The following AGMO variants were observed in gnomAD, a reference collection of about 807,000 sequenced individuals.
The protein encoded by AGMO is alkylglycerol monooxygenase, also known as glyceryl-ether monooxygenase.
Under a neutral mutation model 60.2 loss-of-function variants are expected in AGMO, and 75 were observed. The ratio of observed to expected loss-of-function variants is 1.25; its 90% CI spans 1.03 to 1.51. The LOEUF is 1.51. Ranked by LOEUF, AGMO falls within the 40% of genes most tolerant of loss-of-function variation. AGMO has a pLI of 0.00. For synonymous variants in AGMO, 261 were observed against 177.1 expected, an observed-to-expected ratio of 1.47 and a Z score of -3.76; for missense variants, 763 against 525.5, an observed-to-expected ratio of 1.45 and a Z score of -4.42.
chr7:15,515,981 C>A (rs959471976), intron 3 of AGMO, among the ~76,000 whole-genome samples: 1 of 151,952 alleles, frequency 6.6e-6, no homozygotes, highest in Non-Finnish European at 1.5e-5. Flanking sequence ...ATGGTGACTA[C>A]AGTGAATAAC....
intron 8 of AGMO, among the ~76,000 whole-genome samples, chr7:15,387,783 A>G (rs1369050200): frequency 6.6e-6 from 1 of 152,208 alleles, no homozygotes; most frequent in Non-Finnish European, 1.5e-5. Context: ...TTGAAATGTA[A>G]AAACAGGGCA....
chr7:15,210,514 A>C (rs1162041495), intron 12 of AGMO, among the ~76,000 whole-genome samples: 1 of 152,152 alleles, frequency 6.6e-6, no homozygotes, highest in Non-Finnish European at 1.5e-5. Context: ...TATAGGTAGC[A>C]GATGCAGAGT....
intron 2 of AGMO, among the ~76,000 whole-genome samples, chr7:15,552,633 A>G (rs1193998198): frequency 4.3e-4 from 63 of 148,164 alleles, no homozygotes; most frequent in African/African-American, 1.5e-3. Flanking sequence ...ACCATCTCAC[A>G]CCAGTTAGAA....
At chr7:15,129,651 G>A in the AGMO span, among the ~76,000 whole-genome samples, 10 of 152,018 alleles carry the variant, frequency 6.6e-5, no homozygotes, top group Admixed American at 1.3e-4. Context: ...CACCACCTGG[G>A]GCCAGGATGA....
At position 15,229,768 on chromosome 7, in the gene AGMO, T is replaced by C. The variant is rs544335152; in HGVS notation, c.1264-28409A>G. ...ATATATAAATAATTAGTTATATATA[T>C]AATTATTAGATCAAAGTATTTGTGT... On this transcript the variant is annotated intron_variant, in intron 12 of 12. Coordinates refer to ENST00000342526, the MANE Select transcript of AGMO (RefSeq NM_001004320.2). Among the ~76,000 whole-genome samples the C allele has an allele frequency of 3.6e-3, 538 of 147,922 alleles. 2 individuals are homozygous for C. Among genetic ancestry groups the C allele is most frequent in the African/African-American group, 0.013 (520 of 40,780 alleles).
chr7:15,535,978 G>A (rs754566730), intron 3 of AGMO, among the ~76,000 whole-genome samples: 11 of 151,858 alleles, frequency 7.2e-5, no homozygotes, highest in Non-Finnish European at 1.2e-4. Context: ...GAACGACTGA[G>A]TGCCTACTTT....
At chr7:15,367,895 C>T (rs1428619344) in intron 10 of AGMO, among the ~76,000 whole-genome samples, 2 of 152,094 alleles carry the variant, frequency 1.3e-5, no homozygotes, top group African/African-American at 4.8e-5. Context: ...AATATCCTTA[C>T]TTGCAACTCA....
intron 3 of AGMO, among the ~76,000 whole-genome samples, chr7:15,492,477 C>T (rs548034903): frequency 5.9e-5 from 9 of 152,026 alleles, no homozygotes; most frequent in African/African-American, 2.2e-4. Flanking sequence ...TCTAGAATTG[C>T]AGGTTCCAAA....
At chr7:15,303,234 T>A (rs113288453) in intron 12 of AGMO, among the ~76,000 whole-genome samples, 1 of 152,160 alleles carries the variant, frequency 6.6e-6, no homozygotes, top group Admixed American at 6.6e-5. Flanking sequence ...CAAGGAGTTT[T>A]CAGAATGGTA....
the AGMO span, among the ~76,000 whole-genome samples, chr7:15,184,095 T>C: frequency 1.3e-5 from 2 of 152,192 alleles, no homozygotes; most frequent in African/African-American, 2.4e-5. Flanking sequence ...TTTTAACAGA[T>C]ACCATATACT....
intron 12 of AGMO, among the ~76,000 whole-genome samples, chr7:15,211,905 G>A (rs1301043106): frequency 6.6e-6 from 1 of 151,844 alleles, no homozygotes; most frequent in African/African-American, 2.4e-5. Context: ...ATTCAACAAA[G>A]CTGAGTCAAT....
Position 15,361,605 on chromosome 7 carries a change from C to T in AGMO, c.1263+3909G>A, listed in dbSNP as rs907666920. Among the ~76,000 whole-genome samples the T allele has an allele frequency of 3.4e-5, 5 of 148,152 alleles. No homozygotes were observed. The East Asian group carries it at 9.9e-4, about 29-fold the overall frequency. On this transcript the variant is annotated intron_variant, in intron 12 of 12. Coordinates refer to ENST00000342526, the MANE Select transcript of AGMO (RefSeq NM_001004320.2). Reference sequence around the variant, plus strand: ...ATCTATGCTCATTAAAGAATACATTCATCACCAAATTAAAAAAAAGAAAGA... The same window carrying T: ...ATCTATGCTCATTAAAGAATACATTTATCACCAAATTAAAAAAAAGAAAGA...
chr7:15,510,521 T>G (rs1166036581), intron 3 of AGMO, among the ~76,000 whole-genome samples: 1 of 138,712 alleles, frequency 7.2e-6, no homozygotes, highest in Non-Finnish European at 1.5e-5. Flanking sequence ...TACTGTGAGA[T>G]GCTGTCATAT....
intron 12 of AGMO, among the ~76,000 whole-genome samples, chr7:15,324,091 A>C (rs756883677): frequency 6.6e-6 from 1 of 152,200 alleles, no homozygotes; most frequent in African/African-American, 2.4e-5. Flanking sequence ...AGCGTAGTAA[A>C]AATAAGACTA....
intron 12 of AGMO, among the ~76,000 whole-genome samples, chr7:15,258,479 A>G (rs1455547392): frequency 6.6e-6 from 1 of 152,024 alleles, no homozygotes; most frequent in Non-Finnish European, 1.5e-5. Flanking sequence ...CGGGAGGCGG[A>G]GCTTGCAGTG....
chr7:15,190,341 A>C, the AGMO span, among the ~76,000 whole-genome samples: 1 of 151,202 alleles, frequency 6.6e-6, no homozygotes, highest in Non-Finnish European at 1.5e-5. Flanking sequence ...GAATAAAAGG[A>C]AGGCCAAAGA....
At chr7:15,439,674 G>A (rs1210388940) in intron 3 of AGMO, among the ~76,000 whole-genome samples, 1 of 152,100 alleles carries the variant, frequency 6.6e-6, no homozygotes, top group African/African-American at 2.4e-5. Context: ...GCTTTGAAAA[G>A]CCCAAGTCTG....
chr7:15,442,970 G>T (rs1464590094), intron 3 of AGMO, among the ~76,000 whole-genome samples: 3 of 152,184 alleles, frequency 2.0e-5, no homozygotes, highest in Non-Finnish European at 4.4e-5. Flanking sequence ...AGTTTGGCTA[G>T]GGAGGTCAGA....
At chr7:15,257,798 G>A (rs1189018672) in intron 12 of AGMO, among the ~76,000 whole-genome samples, 1 of 152,148 alleles carries the variant, frequency 6.6e-6, no homozygotes, top group Non-Finnish European at 1.5e-5. Flanking sequence ...GAAATCATAT[G>A]TTTTCATACC....
Sources: gnomAD v4.1 joint callset for allele counts (sites outside exome capture counted in the v4.1 genomes callset) on GRCh38, gnomAD v4.1.1 for gene constraint, MANE v1.5 for transcripts, NCBI Gene and HGNC (gene_info 2026-07-23, HGNC 2026-07-21) for gene names.